Variants in ZNF423 observed in about 807,000 individuals in gnomAD.
The protein encoded by ZNF423 is zinc finger protein 423, also known as Ebf-associated zinc finger protein.
Under a neutral mutation model 95.8 loss-of-function variants are expected in ZNF423, and 12 were observed. That is an observed-to-expected ratio of 0.13 (90% CI 0.08 to 0.20). The LOEUF is 0.20. Ranked by LOEUF, ZNF423 falls within the 10% of genes least tolerant of loss-of-function variation. The probability of loss-of-function intolerance (pLI) is 1.00; values close to 1 mark genes in which losing one functional copy is unlikely to be tolerated. For missense variants in ZNF423, 1,316 were observed against 1,737.1 expected (o/e 0.76, Z 4.31); for synonymous variants, 749 against 711.9 (o/e 1.05, Z -0.83).
rs562931033 is a variant in ZNF423 at position 49,833,992 on chromosome 16, C to T, written c.40+21743G>A. Among the ~76,000 whole-genome samples the T allele has an allele frequency of 4.6e-5, 7 of 152,292 alleles. No individual in the cohort carries two copies. The South Asian group carries it at 8.3e-4, about 18-fold the overall frequency. On this transcript the variant is annotated intron_variant, in intron 1 of 7. Transcript: ENST00000563137. ...CTGGGGCGGGCAGTGGCCTTGGCTT[C>T]GCACAGCCTGTCACAGGGCAGGCGG...
chr16:49,795,243 G>T (rs2034479609), intron 1 of ZNF423, among the ~76,000 whole-genome samples: 2 of 152,162 alleles, frequency 1.3e-5, no homozygotes, highest in African/African-American at 2.4e-5. Context: ...GATGGGCTTT[G>T]TTCAGAACCA....
At chr16:49,840,693 G>A (rs928751581) in intron 1 of ZNF423, among the ~76,000 whole-genome samples, 8 of 151,968 alleles carry the variant, frequency 5.3e-5, no homozygotes, top group African/African-American at 1.9e-4. Context: ...ATGCACACGT[G>A]TACACACTCT....
chr16:49,546,374 G>A (rs546721017), intron 5 of ZNF423, among the ~76,000 whole-genome samples: 6 of 152,182 alleles, frequency 3.9e-5, no homozygotes, highest in East Asian at 3.9e-4. Context: ...GAAACTACTC[G>A]GTGGGGTGTC....
chr16:49,741,254 G>C (rs868774713), intron 2 of ZNF423, among the ~76,000 whole-genome samples: 2 of 151,918 alleles, frequency 1.3e-5, no homozygotes, highest in African/African-American at 2.4e-5. Context: ...CAGCACTTTG[G>C]GGGGCCAAGG....
chr16:49,772,251 GAA>G (rs1188624904), intron 2 of ZNF423, among the ~76,000 whole-genome samples: 4 of 152,220 alleles, frequency 2.6e-5, no homozygotes, highest in African/African-American at 9.6e-5. Context: ...CAAACAAAGA[GAA>G]CAAATTCACC....
chr16:49,761,929 C>G (rs1328077553), intron 2 of ZNF423, among the ~76,000 whole-genome samples: 3 of 152,190 alleles, frequency 2.0e-5, no homozygotes, highest in Non-Finnish European at 4.4e-5. Flanking sequence ...GTGATCCTCC[C>G]ACCTCAGCCT....
rs1966892458 is a variant in ZNF423 at position 49,489,561 on chromosome 16, T to A, written c.*1714A>T. The stretch of plus-strand genomic sequence containing the variant: ...GCCCCACCCGCGTGAGAACATTACA[T>A]GAGGTGACAGAAAGAAAGGGGAACT... On this transcript the variant is annotated 3_prime_UTR_variant, in exon 8 of 8. Coordinates refer to ENST00000563137, the MANE Select transcript of ZNF423 (RefSeq NM_001379286.1). 1 of 152,214 alleles carries A rather than the reference T, an allele frequency of 6.6e-6. No homozygotes were observed. Among genetic ancestry groups the A allele is most frequent in the South Asian group, 2.1e-4 (1 of 4,838 alleles). 9.4% of individuals were successfully genotyped at this position (152,214 alleles called of 1,614,324 possible). A position where few individuals can be genotyped will look rare whatever the true frequency, so the allele number is the denominator to read the frequency against.
At chr16:49,542,976 G>A (rs1323318539) in intron 5 of ZNF423, among the ~76,000 whole-genome samples, 2 of 152,140 alleles carry the variant, frequency 1.3e-5, no homozygotes, top group Admixed American at 1.3e-4. Flanking sequence ...TTCATCTGAG[G>A]CTGGGGTCTG....
intron 3 of ZNF423, among the ~76,000 whole-genome samples, chr16:49,684,352 G>A (rs2031482928): frequency 6.6e-6 from 1 of 152,200 alleles, no homozygotes; most frequent in South Asian, 2.1e-4. Flanking sequence ...ATAGCCACAT[G>A]GCCAGATTAT....
intron 1 of ZNF423, chr16:49,854,843 T>C (rs1597066597): frequency 2.0e-6 from 2 of 985,166 alleles, no homozygotes; most frequent in African/African-American, 1.7e-5. Context: ...TGTGTATCTA[T>C]ATATCTGCAG....
intron 2 of ZNF423, among the ~76,000 whole-genome samples, chr16:49,733,158 G>A (rs1318317563): frequency 6.6e-6 from 1 of 152,018 alleles, no homozygotes. Context: ...ATACAACCAT[G>A]GTTACACAGT....
intron 2 of ZNF423, among the ~76,000 whole-genome samples, chr16:49,769,922 C>T (rs2034002036): frequency 6.6e-6 from 1 of 152,122 alleles, no homozygotes; most frequent in Non-Finnish European, 1.5e-5. Context: ...ACGCCCCCTC[C>T]TTGGTACAGA....
chr16:49,754,965 G>C (rs1246563481), intron 2 of ZNF423, among the ~76,000 whole-genome samples: 2 of 152,194 alleles, frequency 1.3e-5, no homozygotes, highest in Non-Finnish European at 2.9e-5. Flanking sequence ...AGGGTTTTCA[G>C]CTATTTCTTT....
intron 3 of ZNF423, among the ~76,000 whole-genome samples, chr16:49,671,668 G>A (rs1247599280): frequency 5.9e-5 from 9 of 152,098 alleles, no homozygotes; most frequent in Admixed American, 5.2e-4. Context: ...TGCCCCACAC[G>A]TTTTATTTTA....
At chr16:49,694,832 C>T (rs2031908664) in intron 3 of ZNF423, among the ~76,000 whole-genome samples, 1 of 152,234 alleles carries the variant, frequency 6.6e-6, no homozygotes, top group Non-Finnish European at 1.5e-5. Flanking sequence ...TTGGGAAATA[C>T]TTGTGAGCAT....
rs145191752 is a variant in ZNF423 at position 49,768,148 on chromosome 16, G to C, written c.100+21339C>G. On this transcript the variant is annotated intron_variant, in intron 2 of 7. Coordinates refer to ENST00000563137, the MANE Select transcript of ZNF423 (RefSeq NM_001379286.1). ...CTGGCAATTTCAGCGCTGAGGGCTCGCGCACAGCTGGACTCTGCCGTGGAC... is the reference window on the plus strand; with the variant it reads ...CTGGCAATTTCAGCGCTGAGGGCTCCCGCACAGCTGGACTCTGCCGTGGAC... 7.2e-4 allele frequency among the ~76,000 whole-genome samples: 110 copies of C among 152,338 alleles called. 2 individuals are homozygous for C. The East Asian group carries it at 0.02, about 28-fold the overall frequency.
At chr16:49,566,823 G>C (rs1970208122) in intron 5 of ZNF423, among the ~76,000 whole-genome samples, 1 of 152,090 alleles carries the variant, frequency 6.6e-6, no homozygotes, top group South Asian at 2.1e-4. Context: ...AGAAGGGGAG[G>C]GGAAGAGGGT....
intron 5 of ZNF423, among the ~76,000 whole-genome samples, chr16:49,573,161 G>A (rs978351262): frequency 4.6e-5 from 7 of 152,122 alleles, no homozygotes; most frequent in African/African-American, 1.7e-4. Context: ...GTGGGTAGAG[G>A]AGTAAATGGA....
In ZNF423 at chr16:49,611,664, A is replaced by G. The variant is rs1971727399; in HGVS notation, c.3601+14506T>C. Among the ~76,000 whole-genome samples, 2 of 152,022 alleles carry G rather than the reference A, an allele frequency of 1.3e-5. 1 individual carries two copies. The highest frequency in any genetic ancestry group is 2.9e-5 in the Non-Finnish European group (2 of 67,888). On this transcript the variant is annotated intron_variant, in intron 5 of 7. Coordinates refer to ENST00000563137, the MANE Select transcript of ZNF423 (RefSeq NM_001379286.1). ...AAAGATCAGAAACCCTGAAACAGAAAACAGTAAAACAAAATTGAAAATCAA... is the reference window on the plus strand; with the variant it reads ...AAAGATCAGAAACCCTGAAACAGAAGACAGTAAAACAAAATTGAAAATCAA...
Sources: gnomAD v4.1 joint callset for allele counts (sites outside exome capture counted in the v4.1 genomes callset) on GRCh38, gnomAD v4.1.1 for gene constraint, MANE v1.5 for transcripts, NCBI Gene and HGNC (gene_info 2026-07-23, HGNC 2026-07-21) for gene names.